The following IFT122 variants were observed in gnomAD, a reference collection of about 807,000 sequenced individuals.
IFT122 encodes intraflagellar transport protein 122 homolog.
IFT122 carries 118 observed loss-of-function variants against 161.6 expected under a neutral mutation model. That is an observed-to-expected ratio of 0.73 (90% CI 0.63 to 0.85). The LOEUF is 0.85. Ranked by LOEUF, IFT122 falls within the 40% of genes least tolerant of loss-of-function variation. The probability of loss-of-function intolerance (pLI) is 0.00; values close to 1 mark genes in which losing one functional copy is unlikely to be tolerated. For synonymous variants in IFT122, 550 were observed against 602.4 expected (o/e 0.91, Z 1.27); for missense variants, 1,381 against 1,579.6 (o/e 0.87, Z 2.13).
In IFT122 at chr3:129,506,508, A is replaced by G; in HGVS notation, c.2750A>G (p.Tyr917Cys). 6.2e-7 allele frequency: 1 copy of G among 1,614,250 alleles called. No individual in the cohort carries two copies. Among genetic ancestry groups the G allele is most frequent in the Non-Finnish European group, 8.5e-7 (1 of 1,180,038 alleles). ...AGCAGGTTTAATGATGCTGCCTATT[A>G]TTACTGGATGCTGTCCATGCAGTGC... ...AESRFNDAAY[Y>C]YWMLSMQCLD... is the part of the protein sequence containing the mutation. The change falls in exon 22 of 30, where the codon TAT (tyrosine) becomes TGT (cysteine). Residue 917 changes from tyrosine to cysteine, a missense_variant. Physicochemically the swap from Tyr to Cys is radical, Grantham distance 194. This residue lies in a region of IFT122 where 496 missense variants were observed against 502.5 expected (regional missense o/e 0.99). Transcript: ENST00000348417.
chr3:129,452,752 G>A (rs1400196798), intron 3 of IFT122, among the ~76,000 whole-genome samples: 1 of 152,208 alleles, frequency 6.6e-6, no homozygotes, highest in Non-Finnish European at 1.5e-5. Context: ...GATTTGATTT[G>A]TATTTTAAAA....
chr3:129,461,316 T>G lies in IFT122; in HGVS notation c.349+12T>G, dbSNP rs1485751199. ...CTCCAGTGACTTTGGTACGTTCTGA[T>G]TCCTGATGTCCTGTCCTGGAATAAC... On this transcript the variant is annotated intron_variant, in intron 5 of 29. Coordinates refer to ENST00000348417, the MANE Select transcript of IFT122 (RefSeq NM_052989.3). 2.5e-6 allele frequency: 4 copies of G among 1,591,784 alleles called. No individual in the cohort carries two copies. Among genetic ancestry groups the G allele is most frequent in the African/African-American group, 2.7e-5 (2 of 74,518 alleles).
intron 12 of IFT122, among the ~76,000 whole-genome samples, chr3:129,478,882 C>T (rs1262211287): frequency 2.0e-5 from 3 of 152,096 alleles, no homozygotes; most frequent in Non-Finnish European, 4.4e-5. Context: ...TTTGTATCAA[C>T]TCAGTAATTG....
intron 17 of IFT122, among the ~76,000 whole-genome samples, chr3:129,493,628 A>C (rs2080426529): frequency 6.6e-6 from 1 of 151,930 alleles, no homozygotes; most frequent in African/African-American, 2.4e-5. Flanking sequence ...TACCCTCCCT[A>C]CCCGCGTGTT....
intron 17 of IFT122, among the ~76,000 whole-genome samples, chr3:129,492,563 A>C (rs188937042): frequency 1.3e-5 from 2 of 152,134 alleles, no homozygotes; most frequent in Non-Finnish European, 2.9e-5. Context: ...CTCAGACTCC[A>C]GTAATCTGAT....
chr3:129,494,067 C>G (rs1481389303), intron 17 of IFT122, among the ~76,000 whole-genome samples: 1 of 152,172 alleles, frequency 6.6e-6, no homozygotes, highest in Non-Finnish European at 1.5e-5. Flanking sequence ...TGTTCTTGTC[C>G]TGCTGACGGG....
rs1337505493 is a variant in IFT122, at chr3:129,478,215, C to T, written c.1347C>T (p.Cys449=). 1 of 1,613,754 alleles carries T rather than the reference C, an allele frequency of 6.2e-7. No individual in the cohort carries two copies. Among genetic ancestry groups the T allele is most frequent in the Non-Finnish European group, 8.5e-7 (1 of 1,179,810 alleles). The change falls in exon 12 of 30, where the codon TGC becomes TGT. Residue 449 remains cysteine, a synonymous_variant. Transcript: ENST00000348417. ...TGTGTGCCAATCACATCATCCTGTG[C>T]CAGGTGGGCAGCAGCATGTTGAAGG... is the stretch of plus-strand genomic sequence containing the variant. ...LVVCANHIIL[C]QEKRLQCLSF...
chr3:129,458,930 T>A (rs188207730), intron 4 of IFT122, among the ~76,000 whole-genome samples: 6 of 152,332 alleles, frequency 3.9e-5, no homozygotes, highest in Non-Finnish European at 7.4e-5. Context: ...TCTGACATTG[T>A]AGACTTTATC....
chr3:129,479,724 G>A, intron 12 of IFT122, 61 bp from the exon 13 acceptor site: 2 of 1,604,042 alleles, frequency 1.2e-6, no homozygotes, highest in Non-Finnish European at 1.7e-6. Context: ...AGATCTCCTT[G>A]GGGAGGTCTG....
rs2076877863 is a variant in IFT122, at chr3:129,467,034, G to A, written c.708G>A (p.Glu236=). 1.9e-6 allele frequency: 3 copies of A among 1,614,134 alleles called. No homozygotes were observed. Among genetic ancestry groups the A allele is most frequent in the Non-Finnish European group, 2.5e-6 (3 of 1,180,036 alleles). Residue 236 remains glutamate, a synonymous_variant, in exon 8 of 30, where the codon GAG becomes GAA. Transcript: ENST00000348417. ...GTGAGGCAGAGGAGGAAGAACCAGA[G>A]GAAGAGGACGACAGTCCCAGGGACG... ...QGSEAEEEEP[E]EEDDSPRDDN...
intron 27 of IFT122, among the ~76,000 whole-genome samples, chr3:129,518,577 G>C (rs994358127): frequency 2.0e-5 from 3 of 152,146 alleles, no homozygotes; most frequent in African/African-American, 7.2e-5. Context: ...CTATGGTGCT[G>C]GCAGGTGGGT....
At chr3:129,477,278 A>G (rs16859936) in intron 11 of IFT122, among the ~76,000 whole-genome samples, 20,182 of 152,124 alleles carry the variant, frequency 0.13, 1,715 homozygotes, top group South Asian at 0.24. Flanking sequence ...AGAAGATCAG[A>G]GTTCCCGGCC....
intron 21 of IFT122, 73 bp from the exon 22 acceptor site, chr3:129,506,336 A>C: frequency 2.0e-5 from 31 of 1,574,832 alleles, no homozygotes; most frequent in Non-Finnish European, 2.4e-5. Flanking sequence ...CAAGCCCCAC[A>C]GAGCTCCATC....
At chr3:129,456,430 A>C (rs2075499566) in intron 3 of IFT122, among the ~76,000 whole-genome samples, 2 of 152,120 alleles carry the variant, frequency 1.3e-5, no homozygotes, top group Admixed American at 1.3e-4. Flanking sequence ...TGAGGTCAGG[A>C]GTTTGAGACA....
chr3:129,471,451 C>CTG (rs144615814), intron 9 of IFT122, among the ~76,000 whole-genome samples: 6,375 of 152,262 alleles, frequency 0.042, 394 homozygotes, highest in African/African-American at 0.13. Context: ...GGCACACCTA[C>CTG]TGTGTACGAG....
At position 129,464,792 on chromosome 3, in the gene IFT122, A is replaced by T; in HGVS notation, c.563+11A>T. 5 of 1,614,090 alleles carry T rather than the reference A, an allele frequency of 3.1e-6. No individual in the cohort carries two copies. Among genetic ancestry groups the T allele is most frequent in the Non-Finnish European group, 4.2e-6 (5 of 1,179,972 alleles). On this transcript the variant is annotated intron_variant, in intron 7 of 29. Coordinates refer to ENST00000348417, the MANE Select transcript of IFT122 (RefSeq NM_052989.3). Reference sequence around the variant, plus strand: ...CTGGAACCCTTCAAGGTACTCTTAAAGTTGTCCTCCTTCTAGAACAAACAC... The same window carrying T: ...CTGGAACCCTTCAAGGTACTCTTAATGTTGTCCTCCTTCTAGAACAAACAC...
At chr3:129,452,400 G>A (rs1553732599) in intron 3 of IFT122, among the ~76,000 whole-genome samples, 1 of 147,484 alleles carries the variant, frequency 6.8e-6, no homozygotes. Flanking sequence ...GAATGAGGGG[G>A]ATTGAGAGTG....
chr3:129,492,166 G>A lies in IFT122; in HGVS notation c.2018G>A (p.Arg673Gln), dbSNP rs140911243. The change falls in exon 17 of 30, where the codon CGA becomes CAA. Residue 673 changes from arginine to glutamine, a missense_variant. Physicochemically the swap from Arg to Gln is conservative, Grantham distance 43. Transcript: ENST00000348417. ...GCCTTCATCAGAGTACAAGACCTCC[G>A]ATATTTAGAGCTCATCAGCAGCATT... ...KKAFIRVQDL[R>Q]YLELISSIEE... The A allele has an allele frequency of 5.8e-5, 94 of 1,613,044 alleles. No homozygotes were observed. The highest frequency in any genetic ancestry group is 6.7e-5 in the Non-Finnish European group (79 of 1,179,282).
intron 3 of IFT122, among the ~76,000 whole-genome samples, chr3:129,454,513 TTGTGTGTGTGTG>T (rs61557048): frequency 3.0e-4 from 40 of 131,278 alleles, no homozygotes; most frequent in Middle Eastern, 7.6e-3. Flanking sequence ...GTAGTCATAT[TTGTGTGTGTGTG>T]TGTGTGTGTG....
Sources: allele counts gnomAD v4.1 joint callset (sites outside exome capture counted in the v4.1 genomes callset), GRCh38; gene constraint gnomAD v4.1.1; regional missense constraint gnomAD v4.1.1; transcripts MANE v1.5; gene names NCBI Gene and HGNC (gene_info 2026-07-23, HGNC 2026-07-21).